REELD1: variants seen among roughly 807,000 people sequenced by gnomAD.
REELD1 encodes the protein reelin domain-containing protein 1.
Under a neutral mutation model 6.3 loss-of-function variants are expected in REELD1, and 12 were observed. That is an observed-to-expected ratio of 1.89 (90% confidence interval 1.21 to 3.07). REELD1 has a LOEUF of 3.07. REELD1 is among the 30% of genes most tolerant of loss of function. The pLI is 0.00. For missense variants in REELD1, 163 were observed against 86.8 expected (o/e 1.88, Z -3.49); for synonymous variants, 57 against 33.6 (o/e 1.70, Z -2.42).
chr4:146,222,161 A>G (rs1272846878), intron 3 of REELD1, among the ~76,000 whole-genome samples, 196 bp from the exon 4 acceptor site: 1 of 152,084 alleles, frequency 6.6e-6, no homozygotes, highest in Non-Finnish European at 1.5e-5. Context: ...GTTATTTTTT[A>G]TTTCATTTTC....
chr4:146,215,651 A>ATTTTTTTTTTTTTTTT (rs3029290), intron 2 of REELD1, among the ~76,000 whole-genome samples: 1 of 86,670 alleles, frequency 1.2e-5, no homozygotes, highest in African/African-American at 4.5e-5. Context: ...AGGGGAGGGC[A>ATTTTTTTTTTTTTTTT]TTTTTTTTTT....
In REELD1 at chr4:146,215,752, C is replaced by CTT. The variant is rs3029291; in HGVS notation, c.-12+569_-12+570dup. On this transcript the variant is annotated intron_variant, in intron 2 of 7. Coordinates refer to ENST00000623665, the MANE Select transcript of REELD1 (RefSeq NM_001354631.1). ...CAGGACTATAAAAAAAAAAACAGAA[C>CTT]TTTTTTTTTTTTTTTTGAGATAGAG... Among the ~76,000 whole-genome samples the CTT allele has an allele frequency of 7.6e-3, 934 of 122,760 alleles. 17 individuals are homozygous for CTT. Among genetic ancestry groups the CTT allele is most frequent in the African/African-American group, 0.027 (877 of 32,124 alleles). 80.5% of individuals were successfully genotyped at this position (122,760 alleles called of 152,430 possible). A position where few individuals can be genotyped will look rare whatever the true frequency, so the allele number is the denominator to read the frequency against.
At chr4:146,222,106 A>G (rs1192040715) in intron 3 of REELD1, among the ~76,000 whole-genome samples, 1 of 152,122 alleles carries the variant, frequency 6.6e-6, no homozygotes, top group Non-Finnish European at 1.5e-5. Flanking sequence ...TTGCTCAGAG[A>G]GGTATTTCTA....
In REELD1 at chr4:146,229,955, C is replaced by T. The variant is rs536750993; in HGVS notation, c.1023C>T (p.Thr341=). The change falls in exon 8 of 8, where the codon ACC becomes ACT. Residue 341 remains threonine, a synonymous_variant. Coordinates refer to ENST00000623665, the MANE Select transcript of REELD1 (RefSeq NM_001354631.1). The part of the protein sequence containing the change: ...NRTVTQPPLS[T]VQLTYPQCLW... ...CCGTGACACAGCCTCCTCTGTCCAC[C>T]GTCCAGCTTACCTATCCCCAGTGCC... is the stretch of plus-strand genomic sequence containing the variant. The T allele has an allele frequency of 5.2e-4, 206 of 398,758 alleles. 2 individuals are homozygous for T. In the East Asian group the frequency reaches 6.7e-3, roughly 13 times the overall value. 24.7% of individuals were successfully genotyped at this position (398,758 alleles called of 1,614,324 possible).
chr4:146,216,801 AT>A (rs1388224088), intron 2 of REELD1, 140 bp from the exon 3 acceptor site: 2 of 397,084 alleles, frequency 5.0e-6, no homozygotes, highest in African/African-American at 4.1e-5. Context: ...GGCCTTGAAC[AT>A]TAGCAATCCT....
intron 4 of REELD1, 73 bp from the exon 5 acceptor site, chr4:146,224,372 T>C: frequency 2.0e-6 from 1 of 502,038 alleles, no homozygotes; most frequent in South Asian, 3.7e-5. Flanking sequence ...CTCTCTTTTC[T>C]GTGAGGCTGG....
intron 3 of REELD1, among the ~76,000 whole-genome samples, chr4:146,219,953 T>C (rs1730892360): frequency 6.6e-6 from 1 of 152,108 alleles, no homozygotes; most frequent in African/African-American, 2.4e-5. Flanking sequence ...TTTTTTTGTT[T>C]GTTTTTTTAA....
intron 3 of REELD1, among the ~76,000 whole-genome samples, chr4:146,218,216 G>T (rs143963957): frequency 2.6e-5 from 4 of 152,194 alleles, no homozygotes; most frequent in Non-Finnish European, 5.9e-5. Flanking sequence ...AGATGCAGGG[G>T]CAGGGAACTT....
At chr4:146,227,043 G>A (rs1230803921) in intron 5 of REELD1, among the ~76,000 whole-genome samples, 1 of 152,250 alleles carries the variant, frequency 6.6e-6, no homozygotes, top group Non-Finnish European at 1.5e-5. Flanking sequence ...AAAGTGCTGG[G>A]ATTACAGGCG....
intron 2 of REELD1, among the ~76,000 whole-genome samples, chr4:146,216,320 C>A (rs916344771): frequency 1.3e-5 from 2 of 152,220 alleles, no homozygotes; most frequent in African/African-American, 4.8e-5. Context: ...TTGAGTATTT[C>A]TTTCTCTGCT....
intron 5 of REELD1, among the ~76,000 whole-genome samples, chr4:146,227,791 C>T (rs1036291111): frequency 6.6e-6 from 1 of 152,142 alleles, no homozygotes; most frequent in Non-Finnish European, 1.5e-5. Context: ...GTCATTATCA[C>T]CAGAGAAAGA....
chr4:146,229,911 A>G lies in REELD1; in HGVS notation c.979A>G (p.Thr327Ala), dbSNP rs1010612431. 10 of 398,560 alleles carry G rather than the reference A, an allele frequency of 2.5e-5. No individual in the cohort carries two copies. The highest frequency in any genetic ancestry group is 8.2e-5 in the African/African-American group (4 of 48,624). The allele number at this position is 398,560 out of a possible 1,614,324, so 24.7% of individuals were successfully genotyped here. Residue 327 changes from threonine (T) to alanine (A), a missense_variant, in exon 8 of 8, where the codon ACG becomes GCG. Physicochemically the swap from Thr to Ala is moderately conservative, Grantham distance 58 (BLOSUM62 0). Coordinates refer to ENST00000623665, the MANE Select transcript of REELD1 (RefSeq NM_001354631.1). ...TTTCCCTTTGTTTTTCTAGGACAAG[A>G]CGAAGGCCTCTAACAGGACCGTGAC... The part of the protein sequence containing the change: ...LSSDGGEQDK[T>A]KASNRTVTQP...
At chr4:146,224,899 AC>A (rs1231827505) in intron 5 of REELD1, among the ~76,000 whole-genome samples, 1 of 152,188 alleles carries the variant, frequency 6.6e-6, no homozygotes, top group Non-Finnish European at 1.5e-5. Context: ...ATACCAAAAA[AC>A]AGCATACACC....
rs1293676653 is a variant in REELD1, at chr4:146,228,419, C to T, written c.805C>T (p.Pro269Ser). The stretch of plus-strand genomic sequence containing the variant: ...CCAGCAACCCAGCGGGGACAGCAAT[C>T]CCACCCTAGAGCCGTCCCTGGAGGT... The part of the protein sequence containing the change: ...INQQPSGDSN[P>S]TLEPSLEVHR... Residue 269 changes from proline (P) to serine (S), a missense_variant, in exon 6 of 8, where the codon CCC becomes TCC. Physicochemically the swap from Pro to Ser is moderately conservative, Grantham distance 74. Coordinates refer to ENST00000623665, the MANE Select transcript of REELD1 (RefSeq NM_001354631.1). 2 of 702,608 alleles carry T rather than the reference C, an allele frequency of 2.8e-6. No homozygotes were observed. The highest frequency in any genetic ancestry group is 4.0e-5 in the Admixed American group (2 of 50,022). 43.5% of individuals were successfully genotyped at this position (702,608 alleles called of 1,614,324 possible). A position where few individuals can be genotyped will look rare whatever the true frequency, so the allele number is the denominator to read the frequency against.
chr4:146,228,276 C>T lies in REELD1; in HGVS notation c.662C>T (p.Ala221Val). The change falls in exon 6 of 8, where the codon GCT becomes GTT. Residue 221 changes from alanine to valine, a missense_variant. Physicochemically the swap from Ala to Val is moderately conservative, Grantham distance 64. Transcript: ENST00000623665. ...GTCTTTGCTGTTGCCCTTCCTGGAG[C>T]TGCAGAGGAGGACAACCTAGATCCT... ...THVFAVALPG[A>V]AEEDNLDPVP... The T allele has an allele frequency of 1.4e-6, 1 of 702,572 alleles. No homozygotes were observed. Among genetic ancestry groups the T allele is most frequent in the South Asian group, 1.5e-5 (1 of 67,600 alleles). 43.5% of individuals were successfully genotyped at this position (702,572 alleles called of 1,614,324 possible).
In REELD1 at chr4:146,230,020, C is replaced by T; in HGVS notation, c.1088C>T (p.Ala363Val). 1 of 398,740 alleles carries T rather than the reference C, an allele frequency of 2.5e-6. No individual in the cohort carries two copies. Among genetic ancestry groups the T allele is most frequent in the East Asian group, 3.6e-5 (1 of 28,080 alleles). 24.7% of individuals were successfully genotyped at this position (398,740 alleles called of 1,614,324 possible). ...ACTTTCACAGGGAATGGGGTCAGGG[C>T]AAGCAACCCAATCCCTGTCCTCCAG... is the stretch of plus-strand genomic sequence containing the variant. ...SETFTGNGVR[A>V]SNPIPVLQTS... Residue 363 changes from alanine (A) to valine (V), a missense_variant, in exon 8 of 8, where the codon GCA (alanine) becomes GTA (valine). By Grantham distance (64) the Ala-to-Val change is moderately conservative. Transcript: ENST00000623665.
In REELD1 at chr4:146,224,488, G is replaced by C; in HGVS notation, c.475G>C (p.Glu159Gln). The change falls in exon 5 of 8, where the codon GAA (glutamate) becomes CAA (glutamine). Residue 159 changes from glutamate to glutamine, a missense_variant. Physicochemically the swap from Glu to Gln is conservative, Grantham distance 29 (BLOSUM62 2). Coordinates refer to ENST00000623665, the MANE Select transcript of REELD1 (RefSeq NM_001354631.1). ...QSYFVYWARI[E>Q]SSVVSQQTHS... ...ATATTTTGTTTACTGGGCAAGGATT[G>C]AATCATCTGTTGTGTCTCAACAGAC... 1.5e-6 allele frequency: 1 copy of C among 685,582 alleles called. No homozygotes were observed. The highest frequency in any genetic ancestry group is 2.7e-6 in the Non-Finnish European group (1 of 374,180). 42.5% of individuals were successfully genotyped at this position (685,582 alleles called of 1,614,324 possible). A position where few individuals can be genotyped will look rare whatever the true frequency, so the allele number is the denominator to read the frequency against.
intron 2 of REELD1, among the ~76,000 whole-genome samples, chr4:146,215,782 G>T (rs961885698): frequency 2.9e-5 from 4 of 139,662 alleles, no homozygotes; most frequent in African/African-American, 8.1e-5. Flanking sequence ...ATAGAGTCTC[G>T]CTCTTTTGCC....
Position 146,230,011 on chromosome 4 carries a change from G to T in REELD1, c.1079G>T (p.Gly360Val). The T allele has an allele frequency of 2.5e-6, 1 of 398,676 alleles. No individual in the cohort carries two copies. The highest frequency in any genetic ancestry group is 1.3e-4 in the South Asian group (1 of 7,866). The allele number at this position is 398,676 out of a possible 1,614,324, so 24.7% of individuals were successfully genotyped here. A position where few individuals can be genotyped will look rare whatever the true frequency, so the allele number is the denominator to read the frequency against. Reference sequence around the variant, plus strand: ...TCCTCTGAAACTTTCACAGGGAATGGGGTCAGGGCAAGCAACCCAATCCCT... The same window carrying T: ...TCCTCTGAAACTTTCACAGGGAATGTGGTCAGGGCAAGCAACCCAATCCCT... ...LWSSETFTGN[G>V]VRASNPIPVL... Residue 360 changes from glycine to valine, a missense_variant, in exon 8 of 8, where the codon GGG becomes GTG. Gly to Val is a moderately radical substitution (Grantham distance 109). Transcript: ENST00000623665.
Sources: allele counts gnomAD v4.1 joint callset (sites outside exome capture counted in the v4.1 genomes callset), GRCh38; gene constraint gnomAD v4.1.1; transcripts MANE v1.5; gene names NCBI Gene and HGNC (gene_info 2026-07-23, HGNC 2026-07-21).